The following RAB6A variants were observed in gnomAD, a reference collection of about 807,000 sequenced individuals.
RAB6A encodes the protein ras-related protein Rab-6A.
A neutral mutation model predicts 32.3 loss-of-function variants in RAB6A; 8 were observed. The observed-to-expected ratio is 0.25, with a 90% CI of 0.15 to 0.45. The LOEUF (loss-of-function observed/expected upper bound fraction) is 0.45, where lower values mean the gene tolerates loss of function less well. RAB6A is among the 20% of genes least tolerant of loss of function. RAB6A has a pLI of 1.00. For synonymous variants in RAB6A, 73 were observed against 82.1 expected, an observed-to-expected ratio of 0.89 and a Z score of 0.60; for missense variants, 104 against 249.4, an observed-to-expected ratio of 0.42 and a Z score of 3.93.
intron 1 of RAB6A, 93 bp downstream of exon 1, chr11:73,760,473 G>A: frequency 4.1e-6 from 6 of 1,463,112 alleles, no homozygotes; most frequent in Non-Finnish European, 5.5e-6. Flanking sequence ...GACGCGAGGC[G>A]GGCAGGGAGC....
intron 5 of RAB6A, among the ~76,000 whole-genome samples, chr11:73,710,753 ATT>A (rs200147374): frequency 9.9e-5 from 14 of 141,534 alleles, no homozygotes; most frequent in Admixed American, 1.4e-4. Flanking sequence ...AAAAAAGTTA[ATT>A]TTTTTTTTTT....
intron 2 of RAB6A, among the ~76,000 whole-genome samples, chr11:73,729,100 G>A (rs929522712): frequency 6.6e-6 from 1 of 151,794 alleles, no homozygotes; most frequent in African/African-American, 2.4e-5. Flanking sequence ...TAACCCTTTT[G>A]ATTTTATTTT....
At chr11:73,725,477 G>A (rs1946202307) in intron 2 of RAB6A, among the ~76,000 whole-genome samples, 2 of 152,202 alleles carry the variant, frequency 1.3e-5, no homozygotes, top group Admixed American at 1.3e-4. Context: ...AGAAAAGGAG[G>A]TTTAATGGAC....
At chr11:73,692,284 C>G (rs957533304) in intron 6 of RAB6A, among the ~76,000 whole-genome samples, 2 of 151,362 alleles carry the variant, frequency 1.3e-5, no homozygotes, top group Non-Finnish European at 1.5e-5. Context: ...GTGGGCGGAT[C>G]ATGAGGTCAG....
chr11:73,754,180 A>C (rs1946710030), intron 1 of RAB6A, among the ~76,000 whole-genome samples: 1 of 152,206 alleles, frequency 6.6e-6, no homozygotes, highest in Admixed American at 6.5e-5. Flanking sequence ...CATCTCTACC[A>C]GTCCTCTAGT....
chr11:73,678,338 C>G (rs1321328178), intron 7 of RAB6A, among the ~76,000 whole-genome samples: 1 of 152,156 alleles, frequency 6.6e-6, no homozygotes, highest in Non-Finnish European at 1.5e-5. Flanking sequence ...GACTTCAGGC[C>G]GGGTGCCGTG....
Position 73,760,812 on chromosome 11 carries a change from C to G in RAB6A, c.-177G>C. On this transcript the variant is annotated 5_prime_UTR_variant, in exon 1 of 8. Transcript: ENST00000336083. ...GCAGGACTCTCCACAGACTGGCAGC[C>G]GCCGCCGCCTCCCGGCAGAGTAGCC... 1 of 835,336 alleles carries G rather than the reference C, an allele frequency of 1.2e-6. No individual in the cohort carries two copies. 51.7% of individuals were successfully genotyped at this position (835,336 alleles called of 1,614,324 possible).
chr11:73,711,515 C>T (rs916269730), intron 5 of RAB6A, among the ~76,000 whole-genome samples: 5 of 152,156 alleles, frequency 3.3e-5, no homozygotes. Flanking sequence ...CTTTTGTGGG[C>T]ACCTGCGTTG....
chr11:73,719,729 C>T (rs1424685955), intron 3 of RAB6A, among the ~76,000 whole-genome samples: 1 of 151,790 alleles, frequency 6.6e-6, no homozygotes, highest in African/African-American at 2.4e-5. Context: ...GATTCTCCTG[C>T]CTCAGCCTCC....
intron 4 of RAB6A, 84 bp from the exon 5 acceptor site, chr11:73,716,446 TG>T: frequency 1.1e-6 from 1 of 882,948 alleles, no homozygotes; most frequent in African/African-American, 1.7e-5. Flanking sequence ...AAAAAAGCCC[TG>T]GAAGTTGGAA....
chr11:73,689,252 T>C (rs977999934), intron 6 of RAB6A, among the ~76,000 whole-genome samples: 3 of 152,192 alleles, frequency 2.0e-5, no homozygotes, highest in Non-Finnish European at 2.9e-5. Flanking sequence ...GGGGTGCAGA[T>C]AGTTTTGGGA....
chr11:73,679,819 C>A, intron 6 of RAB6A, 99 bp from the exon 7 acceptor site: 1 of 1,473,756 alleles, frequency 6.8e-7, no homozygotes, highest in Admixed American at 1.7e-5. Context: ...ATGCTGGGCG[C>A]AGTGGCTCAC....
At chr11:73,696,341 G>A (rs1945655485) in intron 6 of RAB6A, among the ~76,000 whole-genome samples, 1 of 152,068 alleles carries the variant, frequency 6.6e-6, no homozygotes, top group East Asian at 1.9e-4. Flanking sequence ...GAGATTATAG[G>A]CACCCACCAC....
intron 6 of RAB6A, among the ~76,000 whole-genome samples, chr11:73,692,202 CAG>C (rs1007545320): frequency 1.3e-5 from 2 of 151,572 alleles, no homozygotes; most frequent in African/African-American, 4.8e-5. Context: ...ACCTCAAAAA[CAG>C]AGCAAAAAAA....
At chr11:73,719,326 T>G (rs1488743141) in intron 3 of RAB6A, among the ~76,000 whole-genome samples, 2 of 152,238 alleles carry the variant, frequency 1.3e-5, no homozygotes, top group South Asian at 4.1e-4. Context: ...TTTGAAAGCT[T>G]CTCTCAAGCT....
chr11:73,695,027 A>AC (rs1945635068), intron 6 of RAB6A, among the ~76,000 whole-genome samples: 1 of 152,164 alleles, frequency 6.6e-6, no homozygotes, highest in Admixed American at 6.5e-5. Flanking sequence ...AAAATAAAAA[A>AC]AAATTAAAAA....
At chr11:73,694,436 T>C (rs1945625760) in intron 6 of RAB6A, among the ~76,000 whole-genome samples, 1 of 152,248 alleles carries the variant, frequency 6.6e-6, no homozygotes, top group Admixed American at 6.5e-5. Flanking sequence ...CTGCCTAGTA[T>C]AAATGGAGTA....
chr11:73,685,885 C>CAAAAAAAAAAAAAAAAAAAAA (rs56270679), intron 6 of RAB6A, among the ~76,000 whole-genome samples: 6 of 103,028 alleles, frequency 5.8e-5, no homozygotes, highest in Non-Finnish European at 5.4e-5. Flanking sequence ...AACTCCGTCT[C>CAAAAAAAAAAAAAAAAAAAAA]AAAAAAAAAA....
At chr11:73,704,851 C>T (rs914803006) in intron 6 of RAB6A, among the ~76,000 whole-genome samples, 8 of 151,604 alleles carry the variant, frequency 5.3e-5, no homozygotes, top group African/African-American at 1.9e-4. Flanking sequence ...AAAAAATTAG[C>T]CAGGCGTGGT....
Sources: gnomAD v4.1 joint callset for allele counts (sites outside exome capture counted in the v4.1 genomes callset) on GRCh38, gnomAD v4.1.1 for gene constraint, MANE v1.5 for transcripts, NCBI Gene and HGNC (gene_info 2026-07-23, HGNC 2026-07-21) for gene names.